The following GAS2L2 variants were observed in gnomAD, a reference collection of about 807,000 sequenced individuals.
GAS2L2 encodes GAS2-like protein 2.
A neutral mutation model predicts 35.2 loss-of-function variants in GAS2L2; 21 were observed. The ratio of observed to expected loss-of-function variants is 0.60; its 90% CI spans 0.42 to 0.86. The LOEUF is 0.86. Ranked by LOEUF, GAS2L2 falls within the 40% of genes least tolerant of loss-of-function variation. The probability of loss-of-function intolerance (pLI) is 0.00; values close to 1 mark genes in which losing one functional copy is unlikely to be tolerated. For synonymous variants in GAS2L2, 490 were observed against 473.2 expected (o/e 1.04, Z -0.46); for missense variants, 1,169 against 1,144.4 (o/e 1.02, Z -0.31).
rs115568763 is a variant in GAS2L2, at chr17:35,744,906, G to A, written c.2591C>T (p.Pro864Leu). 1,525 of 1,611,552 alleles carry A rather than the reference G, an allele frequency of 9.5e-4. 17 individuals are homozygous for A. The African/African-American group carries it at 0.018, about 19-fold the overall frequency. ...AAGTGGAGCTTGATTAAGCCAGTGA[G>A]GTTGCAGGCCCTCTGGAGGTTGGGG... The part of the protein sequence containing the change: ...SSPQPPEGLQ[P>L]HWLNQAPLPP... Residue 864 changes from proline (P) to leucine (L), a missense_variant, in exon 6 of 6, where the codon CCT becomes CTT. Physicochemically the swap from Pro to Leu is moderately conservative, Grantham distance 98. Coordinates refer to ENST00000604641, the MANE Select transcript of GAS2L2 (RefSeq NM_139285.4).
At position 35,752,606 on chromosome 17, in the gene GAS2L2, T is replaced by C; in HGVS notation, c.245A>G (p.Glu82Gly). ...VTDAALAFLA[E>G]APAQAQKIPM... ...AATCTTCTGGGCTTGGGCAGGTGCC[T>C]CAGCCAGGAAGGCCAGGGCAGCGTC... The change falls in exon 1 of 6, where the codon GAG becomes GGG. Residue 82 changes from glutamate (E) to glycine (G), a missense_variant. Physicochemically the swap from Glu to Gly is moderately conservative, Grantham distance 98. Coordinates refer to ENST00000604641, the MANE Select transcript of GAS2L2 (RefSeq NM_139285.4). The C allele has an allele frequency of 6.2e-7, 1 of 1,613,654 alleles. No individual in the cohort carries two copies. Among genetic ancestry groups the C allele is most frequent in the Non-Finnish European group, 8.5e-7 (1 of 1,179,598 alleles).
rs2085711321 is a variant in GAS2L2, at chr17:35,752,703, T to C, written c.148A>G (p.Ile50Val). The change falls in exon 1 of 6, where the codon ATC becomes GTC. Residue 50 changes from isoleucine to valine, a missense_variant. By Grantham distance (29) the Ile-to-Val change is conservative. Coordinates refer to ENST00000604641, the MANE Select transcript of GAS2L2 (RefSeq NM_139285.4). ...EWLRDLYGLD[I>V]DAANFLQVLE... The stretch of plus-strand genomic sequence containing the variant: ...ACCTGCAGGAAGTTGGCTGCGTCGA[T>C]GTCCAGCCCATAGAGGTCGCGAAGC... The C allele has an allele frequency of 6.2e-7, 1 of 1,613,910 alleles. No individual in the cohort carries two copies. Among genetic ancestry groups the C allele is most frequent in the African/African-American group, 1.3e-5 (1 of 74,922 alleles).
Position 35,745,715 on chromosome 17 carries a change from C to T in GAS2L2, c.1782G>A (p.Gly594=). Residue 594 remains glycine, a synonymous_variant, in exon 6 of 6, where the codon GGG becomes GGA. Coordinates refer to ENST00000604641, the MANE Select transcript of GAS2L2 (RefSeq NM_139285.4). ...EGRYTPLPLG[G]NKEQAIYCSL... ...TACAGTAGATGGCTTGCTCCTTGTT[C>T]CCGCCCAAGGGCAGAGGTGTGTACC... is the stretch of plus-strand genomic sequence containing the variant. The T allele has an allele frequency of 6.2e-7, 1 of 1,613,900 alleles. No individual in the cohort carries two copies. The highest frequency in any genetic ancestry group is 8.5e-7 in the Non-Finnish European group (1 of 1,180,040).
At chr17:35,751,072 C>A (rs1383472403) in intron 1 of GAS2L2, among the ~76,000 whole-genome samples, 1 of 152,212 alleles carries the variant, frequency 6.6e-6, no homozygotes, top group Non-Finnish European at 1.5e-5. Flanking sequence ...CCCAGTCTCA[C>A]CCCTGCCACC....
In GAS2L2 at chr17:35,745,542, T is replaced by C; in HGVS notation, c.1955A>G (p.Asp652Gly). ...CTGAGCCAGTTCTTGGATGGCTTTG[T>C]CATAAGGACCCCCAGGCTCAGGCCA... Reference protein sequence around the residue: ...GQWPEPGGPYDKAIQELAQGS... With the variant: ...GQWPEPGGPYGKAIQELAQGS... Residue 652 changes from aspartate to glycine, a missense_variant, in exon 6 of 6, where the codon GAC (aspartate) becomes GGC (glycine). Physicochemically the swap from Asp to Gly is moderately conservative, Grantham distance 94 (BLOSUM62 -1). Transcript: ENST00000604641. The C allele has an allele frequency of 6.2e-7, 1 of 1,613,158 alleles. No homozygotes were observed. The highest frequency in any genetic ancestry group is 8.5e-7 in the Non-Finnish European group (1 of 1,179,650).
At chr17:35,748,083 A>T in intron 3 of GAS2L2, 138 bp from the exon 4 acceptor site, 1 of 567,352 alleles carries the variant, frequency 1.8e-6, no homozygotes, top group East Asian at 3.1e-5. Context: ...TGTGTGCTGT[A>T]AAAAGGCAGC....
Position 35,750,089 on chromosome 17 carries a change from G to A in GAS2L2, c.615C>T (p.Asn205=). The change falls in exon 2 of 6, where the codon AAC becomes AAT. Residue 205 remains asparagine, a synonymous_variant. Coordinates refer to ENST00000604641, the MANE Select transcript of GAS2L2 (RefSeq NM_139285.4). ...PPRRQPCHFR[N]LDQMVQSLVS... is the part of the protein sequence containing the mutation. ...CAGAGCCCCTCACCATCTGGTCCAG[G>A]TTGCGGAAGTGGCAGGGCTGGCGCC... 6.2e-7 allele frequency: 1 copy of A among 1,602,820 alleles called. No homozygotes were observed. The highest frequency in any genetic ancestry group is 8.5e-7 in the Non-Finnish European group (1 of 1,176,306).
intron 3 of GAS2L2, 75 bp from the exon 4 acceptor site, chr17:35,748,020 GCACT>G (rs1378673808): frequency 1.1e-4 from 118 of 1,089,686 alleles, no homozygotes; most frequent in Non-Finnish European, 1.6e-4. Flanking sequence ...CGGGCTTCCG[GCACT>G]CACTCAGGGA....
At position 35,751,374 on chromosome 17, in the gene GAS2L2, A is replaced by G. The variant is rs1490272833; in HGVS notation, c.386-1056T>C. On this transcript the variant is annotated intron_variant, in intron 1 of 5. Coordinates refer to ENST00000604641, the MANE Select transcript of GAS2L2 (RefSeq NM_139285.4). ...TCCCATAAACTTCTATTTATCCCTC[A>G]AGACTCAGCCCAGCTGGGTGTGGTG... Among the ~76,000 whole-genome samples, 4 of 152,022 alleles carry G rather than the reference A, an allele frequency of 2.6e-5. No homozygotes were observed. The East Asian group carries it at 5.8e-4, about 22-fold the overall frequency.
Position 35,745,181 on chromosome 17 carries a change from G to A in GAS2L2, c.2316C>T (p.Tyr772=), listed in dbSNP as rs1484116156. The part of the protein sequence containing the change: ...LRKPKRVPSI[Y]KLKLRPRIRP... ...GAATCCTGGGTCTCAGCTTCAGCTT[G>A]TAGATGGACGGGACCCTCTTGGGCT... Residue 772 remains tyrosine, a synonymous_variant, in exon 6 of 6, where the codon TAC becomes TAT. Transcript: ENST00000604641. 1.9e-6 allele frequency: 3 copies of A among 1,612,154 alleles called. No individual in the cohort carries two copies. The highest frequency in any genetic ancestry group is 1.3e-5 in the African/African-American group (1 of 74,906).
At position 35,745,269 on chromosome 17, in the gene GAS2L2, G is replaced by A. The variant is rs1555598685; in HGVS notation, c.2228C>T (p.Pro743Leu). ...SASPEAPTPS[P>L]LDPNSDKAKA... ...GGCTTTGTCAGAGTTGGGGTCCAAGGGCGAAGGTGTGGGGGCCTCCGGGCT... is the reference window on the plus strand; with the variant it reads ...GGCTTTGTCAGAGTTGGGGTCCAAGAGCGAAGGTGTGGGGGCCTCCGGGCT... Residue 743 changes from proline to leucine, a missense_variant, in exon 6 of 6, where the codon CCC (proline) becomes CTC (leucine). Physicochemically the swap from Pro to Leu is moderately conservative, Grantham distance 98 (BLOSUM62 -3). Transcript: ENST00000604641. The A allele has an allele frequency of 2.5e-6, 4 of 1,610,862 alleles. No individual in the cohort carries two copies. The highest frequency in any genetic ancestry group is 2.2e-5 in the East Asian group (1 of 44,796).
At position 35,744,927 on chromosome 17, in the gene GAS2L2, T is replaced by TG. The variant is rs1406213330; in HGVS notation, c.2569dup (p.Gln857ProfsTer12). ...GTGAGGTTGCAGGCCCTCTGGAGGT[T>TG]GGGGGCTGCTCTCCAATGGAGCGGC... On this transcript the variant is annotated frameshift_variant, in exon 6 of 6. Coordinates refer to ENST00000604641, the MANE Select transcript of GAS2L2 (RefSeq NM_139285.4). LOFTEE classifies it low-confidence loss of function (END_TRUNC). The TG allele has an allele frequency of 2.5e-6, 4 of 1,613,614 alleles. No homozygotes were observed. In the East Asian group the frequency reaches 8.9e-5, roughly 36 times the overall value.
Position 35,747,109 on chromosome 17 carries a change from C to A in GAS2L2, c.992G>T (p.Arg331Leu), listed in dbSNP as rs370992265. ...VDWKTYTSSDRRLRPPTPSSP... is the reference protein window; with the variant it reads ...VDWKTYTSSDLRLRPPTPSSP... ...GGATGGGGTGGGGGGCCTCAGCCTT[C>A]GGTCTGAAGAGGTATATGTCTTCCA... The change falls in exon 5 of 6, where the codon CGA becomes CTA. Residue 331 changes from arginine to leucine, a missense_variant. Coordinates refer to ENST00000604641, the MANE Select transcript of GAS2L2 (RefSeq NM_139285.4). The A allele has an allele frequency of 6.2e-6, 10 of 1,612,900 alleles. No homozygotes were observed. In the South Asian group the frequency reaches 7.7e-5, roughly 12 times the overall value.
intron 5 of GAS2L2, 49 bp from the exon 6 acceptor site, chr17:35,746,460 A>G: frequency 1.6e-6 from 2 of 1,226,688 alleles, no homozygotes; most frequent in Non-Finnish European, 2.1e-6. Flanking sequence ...TCAGGCCGGC[A>G]GGGTCATCTA....
rs200152054 is a variant in GAS2L2 at position 35,746,147 on chromosome 17, T to C, written c.1350A>G (p.Ile450Met). 157 of 1,506,876 alleles carry C rather than the reference T, an allele frequency of 1.0e-4. No homozygotes were observed. Among genetic ancestry groups the C allele is most frequent in the Non-Finnish European group, 8.2e-5 (93 of 1,127,638 alleles). 93.3% of individuals were successfully genotyped at this position (1,506,876 alleles called of 1,614,324 possible). A position where few individuals can be genotyped will look rare whatever the true frequency, so the allele number is the denominator to read the frequency against. ...LRAIEATTKG[I>M]SARGPSPLPR... ...GCAGGGGAGATGGTCCTCTTGCTGA[T>C]ATCCCTTTGGTGGTGGCCTCAATGG... Residue 450 changes from isoleucine to methionine, a missense_variant, in exon 6 of 6, where the codon ATA (isoleucine) becomes ATG (methionine). By Grantham distance (10) the Ile-to-Met change is conservative. This residue lies in a region of GAS2L2 where 1,035 missense variants were observed against 976.5 expected (regional missense o/e 1.06). Transcript: ENST00000604641.
chr17:35,744,857 G>C lies in GAS2L2; in HGVS notation c.2640C>G (p.Val880=), dbSNP rs782180021. ...CTACCCAACACGCTCATGTGCCTCA[G>C]ACCCAGGACTCCTCCTCAGGTGGAA... The part of the protein sequence containing the change: ...APLPPEEESW[V] The change falls in exon 6 of 6, where the codon GTC becomes GTG. Residue 880 remains valine, a synonymous_variant. Coordinates refer to ENST00000604641, the MANE Select transcript of GAS2L2 (RefSeq NM_139285.4). 1 of 1,579,052 alleles carries C rather than the reference G, an allele frequency of 6.3e-7. No individual in the cohort carries two copies. The highest frequency in any genetic ancestry group is 8.6e-7 in the Non-Finnish European group (1 of 1,161,388).
chr17:35,750,179 G>C lies in GAS2L2; in HGVS notation c.525C>G (p.Ile175Met), dbSNP rs782318614. ...CCAGCTCCCGCCGCACCTCCTCCTC[G>C]ATCTCCTCCTCCAGCTGCACGAGTG... is the stretch of plus-strand genomic sequence containing the variant. ...APTLVQLEEEIEEEVRRELAL... is the reference protein window; with the variant it reads ...APTLVQLEEEMEEEVRRELAL... The change falls in exon 2 of 6, where the codon ATC becomes ATG. Residue 175 changes from isoleucine to methionine, a missense_variant. This residue lies in a region of GAS2L2 where 1,035 missense variants were observed against 976.5 expected (regional missense o/e 1.06). Transcript: ENST00000604641. 4 of 1,612,530 alleles carry C rather than the reference G, an allele frequency of 2.5e-6. No individual in the cohort carries two copies. The highest frequency in any genetic ancestry group is 1.3e-5 in the African/African-American group (1 of 74,972).
At position 35,745,117 on chromosome 17, in the gene GAS2L2, G is replaced by A. The variant is rs782521632; in HGVS notation, c.2380C>T (p.Arg794Ter). The A allele has an allele frequency of 3.0e-5, 49 of 1,613,224 alleles. No individual in the cohort carries two copies. The highest frequency in any genetic ancestry group is 4.0e-5 in the African/African-American group (3 of 74,928). ...ACATAGGCCAGTGGCCTGGGGATTC[G>A]TGAAGGCTGCTTCTCAGGCCTGTGG... The part of the protein sequence containing the change: ...RDHRPEKQPS[R>*]IPRPLAYVFL... The change falls in exon 6 of 6, where the codon CGA becomes TGA. Residue 794 changes from arginine (R) to a stop codon, truncating the protein, a stop_gained. Coordinates refer to ENST00000604641, the MANE Select transcript of GAS2L2 (RefSeq NM_139285.4). LOFTEE classifies it low-confidence loss of function (END_TRUNC).
Position 35,745,223 on chromosome 17 carries a change from G to A in GAS2L2, c.2274C>T (p.Gly758=). 1.2e-6 allele frequency: 2 copies of A among 1,605,788 alleles called. No individual in the cohort carries two copies. Among genetic ancestry groups the A allele is most frequent in the Middle Eastern group, 1.7e-4 (1 of 6,024 alleles). ...TCTTGGGCTTCCGGAGAGTTCTCCTGCCCTTGCTCAGACATGCCTTGGCTT... is the reference window on the plus strand; with the variant it reads ...TCTTGGGCTTCCGGAGAGTTCTCCTACCCTTGCTCAGACATGCCTTGGCTT... ...SDKAKACLSK[G]RRTLRKPKRV... Residue 758 remains glycine (G), a synonymous_variant, in exon 6 of 6, where the codon GGC becomes GGT. Transcript: ENST00000604641.
Sources: gnomAD v4.1 joint callset for allele counts (sites outside exome capture counted in the v4.1 genomes callset) on GRCh38, gnomAD v4.1.1 for gene constraint, gnomAD v4.1.1 regional missense constraint, MANE v1.5 for transcripts, NCBI Gene and HGNC (gene_info 2026-07-23, HGNC 2026-07-21) for gene names.